The following CDC14B variants were observed in gnomAD, a reference collection of about 807,000 sequenced individuals.
CDC14B encodes dual specificity protein phosphatase CDC14B.
Under a neutral mutation model 64.2 loss-of-function variants are expected in CDC14B, and 22 were observed. That is an observed-to-expected ratio of 0.34 (90% CI 0.24 to 0.49). The LOEUF (loss-of-function observed/expected upper bound fraction) is 0.49. Ranked by LOEUF, CDC14B falls within the 20% of genes least tolerant of loss-of-function variation. The pLI, the probability that CDC14B is intolerant of heterozygous loss-of-function variation, is 0.99. For synonymous variants in CDC14B, 191 were observed against 215.8 expected (o/e 0.89, Z 1.01); for missense variants, 498 against 629.9 (o/e 0.79, Z 2.24).
chr9:96,618,193 T>C (rs1253126617), intron 1 of CDC14B, among the ~76,000 whole-genome samples: 1 of 152,220 alleles, frequency 6.6e-6, no homozygotes, highest in Admixed American at 6.5e-5. Flanking sequence ...TTCCACTTAA[T>C]GTTCTCGCCA....
intron 1 of CDC14B, among the ~76,000 whole-genome samples, chr9:96,578,974 A>C (rs1588022919): frequency 6.6e-6 from 1 of 151,136 alleles, no homozygotes; most frequent in Non-Finnish European, 1.5e-5. Context: ...TGTGCCACCA[A>C]GCCCGGCTAA....
chr9:96,547,880 C>G (rs1215590978), intron 5 of CDC14B, among the ~76,000 whole-genome samples: 1 of 151,998 alleles, frequency 6.6e-6, no homozygotes, highest in Non-Finnish European at 1.5e-5. Flanking sequence ...GGCTGGAGTG[C>G]AGTGGCACCA....
intron 5 of CDC14B, among the ~76,000 whole-genome samples, chr9:96,549,672 AAAAG>A (rs1172641062): frequency 6.6e-6 from 1 of 152,216 alleles, no homozygotes; most frequent in Non-Finnish European, 1.5e-5. Context: ...TAAAAAAAAA[AAAAG>A]AAAGAAACAC....
rs1846411448 is a variant in CDC14B at position 96,601,082 on chromosome 9, T to C, written c.160+18137A>G. 2.6e-5 allele frequency among the ~76,000 whole-genome samples: 4 copies of C among 152,304 alleles called. No homozygotes were observed. In the South Asian group the frequency reaches 8.3e-4, roughly 32 times the overall value. ...GAAGAAACTAATGATATGATAGTAC[T>C]TGGAATATTTATCTTGTTGATGTGA... On this transcript the variant is annotated intron_variant, in intron 1 of 13. Transcript: ENST00000375241.
At chr9:96,516,975 A>G (rs913506114) in intron 12 of CDC14B, among the ~76,000 whole-genome samples, 6 of 151,562 alleles carry the variant, frequency 4.0e-5, no homozygotes, top group Non-Finnish European at 8.8e-5. Flanking sequence ...TTTAGTACAG[A>G]TGGGGTTTCT....
chr9:96,598,486 G>A (rs1022475997), intron 1 of CDC14B, among the ~76,000 whole-genome samples: 1 of 152,108 alleles, frequency 6.6e-6, no homozygotes, highest in Non-Finnish European at 1.5e-5. Flanking sequence ...ACAGGCGCCT[G>A]CCACTACACC....
intron 1 of CDC14B, among the ~76,000 whole-genome samples, chr9:96,599,030 G>A (rs1846259422): frequency 6.6e-6 from 1 of 152,098 alleles, no homozygotes; most frequent in Non-Finnish European, 1.5e-5. Flanking sequence ...CTGAAATTAT[G>A]CCGTATCTTA....
chr9:96,515,667 G>T lies in CDC14B; in HGVS notation c.1344-5878C>A. 1 of 1,583,316 alleles carries T rather than the reference G, an allele frequency of 6.3e-7. No individual in the cohort carries two copies. The highest frequency in any genetic ancestry group is 1.3e-5 in the African/African-American group (1 of 74,378). ...CACTTACAGCAGCTATCTGTCAGGG[G>T]GTCCTGATGGCTACTGTGTTCTGAA... On this transcript the variant is annotated intron_variant, in intron 12 of 13. Transcript: ENST00000375241. This position sits in a 1 kb window ranked among gnomAD's most constrained non-coding sequence, Gnocchi z 4.3.
chr9:96,604,342 TTTATTATTATTATTA>T (rs148185898), intron 1 of CDC14B, among the ~76,000 whole-genome samples: 3,683 of 131,818 alleles, frequency 0.028, 106 homozygotes, highest in African/African-American at 0.083. Context: ...GAAGCTTGCA[TTTATTATTATTATTA>T]TTATTATTAT....
chr9:96,618,681 G>C, intron 1 of CDC14B: 2 of 488,844 alleles, frequency 4.1e-6, no homozygotes, highest in South Asian at 3.0e-5. Flanking sequence ...AGGGGCTCGG[G>C]CTTACGCGCC....
At chr9:96,514,937 A>C in intron 12 of CDC14B, 1 of 985,332 alleles carries the variant, frequency 1.0e-6, no homozygotes, top group Non-Finnish European at 1.2e-6. Flanking sequence ...TATTAAAGGC[A>C]TTCTGGCTAT....
At chr9:96,521,216 G>A (rs1005548807) in intron 12 of CDC14B, among the ~76,000 whole-genome samples, 23 of 151,940 alleles carry the variant, frequency 1.5e-4, no homozygotes, top group African/African-American at 5.5e-4. Flanking sequence ...ATCCTATAAT[G>A]CCTACAGCTC....
chr9:96,548,700 C>T (rs981075534), intron 5 of CDC14B, among the ~76,000 whole-genome samples: 12 of 151,708 alleles, frequency 7.9e-5, no homozygotes, highest in Admixed American at 7.9e-4. Context: ...GCTCTAGAGG[C>T]TGAGACATGA....
At chr9:96,527,765 A>G (rs28658209) in intron 9 of CDC14B, among the ~76,000 whole-genome samples, 18,953 of 151,944 alleles carry the variant, frequency 0.12, 3,920 homozygotes, top group African/African-American at 0.43. Context: ...ACAGGCGCCC[A>G]CCACCAAGCC....
chr9:96,611,955 TAAG>T (rs1292472828), intron 1 of CDC14B, among the ~76,000 whole-genome samples: 5 of 152,340 alleles, frequency 3.3e-5, no homozygotes, highest in Admixed American at 3.3e-4. Flanking sequence ...CTCCCATCTT[TAAG>T]AAGACCTCCC....
chr9:96,507,704 G>A (rs112834276), intron 13 of CDC14B, among the ~76,000 whole-genome samples: 10 of 152,058 alleles, frequency 6.6e-5, no homozygotes, highest in East Asian at 3.9e-4. Context: ...GTGAGCCACC[G>A]CGCCCAGCCT....
At chr9:96,546,729 C>T (rs987802715) in intron 5 of CDC14B, among the ~76,000 whole-genome samples, 5 of 151,890 alleles carry the variant, frequency 3.3e-5, no homozygotes, top group South Asian at 2.1e-4. Flanking sequence ...GGATTACAGG[C>T]GTGAGCCACC....
intron 1 of CDC14B, among the ~76,000 whole-genome samples, chr9:96,566,504 T>G (rs550021062): frequency 6.6e-6 from 1 of 152,300 alleles, no homozygotes; most frequent in East Asian, 1.9e-4. Context: ...GGACCTTTGA[T>G]CCCTGTGACA....
At chr9:96,494,153 T>A (rs1442715686) in intron 13 of CDC14B, among the ~76,000 whole-genome samples, 4 of 152,234 alleles carry the variant, frequency 2.6e-5, no homozygotes, top group African/African-American at 9.6e-5. Flanking sequence ...GCTACCTGGC[T>A]ACTATTAGGG....
Sources: allele counts gnomAD v4.1 joint callset (sites outside exome capture counted in the v4.1 genomes callset), GRCh38; gene constraint gnomAD v4.1.1; non-coding constraint Gnocchi (gnomAD v3.1); transcripts MANE v1.5; gene names NCBI Gene and HGNC (gene_info 2026-07-23, HGNC 2026-07-21).